Variants in PPFIA4 observed in about 807,000 individuals in gnomAD.
PPFIA4 encodes PPFI scaffold protein A4, also known as liprin-alpha-4.
PPFIA4 carries 98 observed loss-of-function variants against 145.7 expected under a neutral mutation model. That is an observed-to-expected ratio of 0.67 (90% CI 0.57 to 0.80). PPFIA4 has a LOEUF of 0.80. Ranked by LOEUF, PPFIA4 falls within the 30% of genes least tolerant of loss-of-function variation. PPFIA4 has a pLI of 0.00. For synonymous variants in PPFIA4, 628 were observed against 649.6 expected (o/e 0.97, Z 0.51); for missense variants, 1,457 against 1,632.7 (o/e 0.89, Z 1.85).
At position 203,076,340 on chromosome 1, in the gene PPFIA4, G is replaced by T; in HGVS notation, c.3575-1G>T. 6.2e-7 allele frequency: 1 copy of T among 1,605,178 alleles called. No individual in the cohort carries two copies. On this transcript the variant is annotated splice_acceptor_variant, in intron 29 of 29. Transcript: ENST00000295706. LOFTEE classifies it high-confidence loss of function. ...GATGCCTGTCTCTCTCTCTCCCTCAGCTCACTCCCACTATCTCTACGGACA... is the reference window on the plus strand; with the variant it reads ...GATGCCTGTCTCTCTCTCTCCCTCATCTCACTCCCACTATCTCTACGGACA...
Position 203,076,624 on chromosome 1 carries a change from G to A in PPFIA4, c.*234G>A. 1.8e-6 allele frequency: 1 copy of A among 571,236 alleles called. No homozygotes were observed. The highest frequency in any genetic ancestry group is 3.1e-6 in the Non-Finnish European group (1 of 319,976). The allele number at this position is 571,236 out of a possible 1,614,324, so 35.4% of individuals were successfully genotyped here. A position where few individuals can be genotyped will look rare whatever the true frequency, so the allele number is the denominator to read the frequency against. On this transcript the variant is annotated 3_prime_UTR_variant, in exon 30 of 30. Coordinates refer to ENST00000295706, the MANE Select transcript of PPFIA4 (RefSeq NM_001304331.2). ...GCTGGGGTTTCCTGGTATTGTGGAG[G>A]CACCCAGGTTGTCCATGCTTGGGAT...
Position 203,039,048 on chromosome 1 carries a change from C to T in PPFIA4, c.40C>T (p.Leu14=). ...VMPTINEGDR[L]GPPHGADADA... is the part of the protein sequence containing the mutation. ...GCCCACAATCAATGAGGGGGACCGC[C>T]TGGGTCCCCCTCATGGCGCCGATGC... is the stretch of plus-strand genomic sequence containing the variant. The change falls in exon 2 of 30, where the codon CTG becomes TTG. Residue 14 remains leucine, a synonymous_variant. Coordinates refer to ENST00000295706, the MANE Select transcript of PPFIA4 (RefSeq NM_001304331.2). The T allele has an allele frequency of 1.3e-6, 2 of 1,579,582 alleles. No homozygotes were observed. The highest frequency in any genetic ancestry group is 2.3e-5 in the East Asian group (1 of 44,014).
At chr1:203,074,754 G>T (rs1259955418) in intron 28 of PPFIA4, among the ~76,000 whole-genome samples, 1 of 152,062 alleles carries the variant, frequency 6.6e-6, no homozygotes, top group Non-Finnish European at 1.5e-5. Flanking sequence ...CTGAAGTGTG[G>T]GGTGGGGAGG....
chr1:203,039,243 G>C lies in PPFIA4; in HGVS notation c.234+1G>C. ...CCACCTTAACTCCGCCCTCCCCCAG[G>C]TAAGGCCCGAAGGCCTGCGTCTCTC... On this transcript the variant is annotated splice_donor_variant, in intron 2 of 29. Coordinates refer to ENST00000295706, the MANE Select transcript of PPFIA4 (RefSeq NM_001304331.2). LOFTEE classifies it high-confidence loss of function. The C allele has an allele frequency of 6.4e-7, 1 of 1,574,634 alleles. No homozygotes were observed.
intron 1 of PPFIA4, among the ~76,000 whole-genome samples, chr1:203,033,107 G>A (rs902177639): frequency 2.0e-5 from 3 of 152,172 alleles, no homozygotes; most frequent in Non-Finnish European, 4.4e-5. Context: ...GTGCTTGGGC[G>A]GCATTTTATA....
intron 1 of PPFIA4, among the ~76,000 whole-genome samples, chr1:203,032,537 T>G (rs1421990411): frequency 6.6e-6 from 1 of 151,320 alleles, no homozygotes; most frequent in Non-Finnish European, 1.5e-5. Context: ...GCTTAAGTGA[T>G]CCTCCCACTT....
intron 1 of PPFIA4, among the ~76,000 whole-genome samples, chr1:203,028,207 G>A (rs1658555733): frequency 6.6e-6 from 1 of 152,166 alleles, no homozygotes; most frequent in Non-Finnish European, 1.5e-5. Flanking sequence ...TGGAGTTGGG[G>A]TTTGTGCTGC....
Position 203,052,056 on chromosome 1 carries a change from C to CCCT in PPFIA4, c.1620+179_1620+180insCCT, listed in dbSNP as rs397957973. On this transcript the variant is annotated intron_variant, in intron 14 of 29. Transcript: ENST00000295706. ...GCTGCAACAGCTGTGCCCCCCCCCC[C>CCCT]GCTTGCCTTGGCCTCCTGGTGGGCA... Among the ~76,000 whole-genome samples the CCCT allele has an allele frequency of 5.3e-5, 8 of 149,776 alleles. 1 individual carries two copies. The South Asian group carries it at 1.3e-3, about 24-fold the overall frequency.
chr1:203,031,413 T>C (rs1270830238), intron 1 of PPFIA4, among the ~76,000 whole-genome samples: 1 of 152,140 alleles, frequency 6.6e-6, no homozygotes, highest in Non-Finnish European at 1.5e-5. Flanking sequence ...ATACCATGCG[T>C]TCTCATGATC....
intron 14 of PPFIA4, among the ~76,000 whole-genome samples, chr1:203,053,144 T>G (rs1660653206): frequency 6.6e-6 from 1 of 152,204 alleles, no homozygotes; most frequent in Admixed American, 6.5e-5. Flanking sequence ...AACTAGTGTT[T>G]GGTGGAGATG....
intron 19 of PPFIA4, 103 bp downstream of exon 19, chr1:203,057,053 T>C (rs981328549): frequency 2.6e-6 from 4 of 1,554,934 alleles, no homozygotes; most frequent in East Asian, 2.3e-5. Context: ...CAGGGACCAG[T>C]TGGGGGAAGC....
intron 15 of PPFIA4, 46 bp downstream of exon 15, chr1:203,054,007 G>T: frequency 6.5e-7 from 1 of 1,536,362 alleles, no homozygotes. Flanking sequence ...GAAGGGCAGG[G>T]GGGCCCTTTG....
intron 28 of PPFIA4, among the ~76,000 whole-genome samples, chr1:203,073,566 C>T (rs931107025): frequency 2.0e-5 from 3 of 152,018 alleles, no homozygotes; most frequent in Non-Finnish European, 4.4e-5. Flanking sequence ...TCTAGCACAT[C>T]ATCAGCAACC....
chr1:203,075,496 G>A lies in PPFIA4; in HGVS notation c.3394-81G>A. On this transcript the variant is annotated intron_variant, in intron 28 of 29. Transcript: ENST00000295706. The surrounding 1 kb of genome is among the most constrained non-coding windows in gnomAD (Gnocchi z 4.1). ...GGGAGTGGTGCCCCTTGAACCAGCA[G>A]CGACTGGCCCCCTCCAGGCAGGGCG... is the stretch of plus-strand genomic sequence containing the variant. The A allele has an allele frequency of 8.2e-7, 1 of 1,214,424 alleles. No individual in the cohort carries two copies. The highest frequency in any genetic ancestry group is 1.1e-6 in the Non-Finnish European group (1 of 942,548). 75.2% of individuals were successfully genotyped at this position (1,214,424 alleles called of 1,614,324 possible). A position where few individuals can be genotyped will look rare whatever the true frequency, so the allele number is the denominator to read the frequency against.
In PPFIA4 at chr1:203,035,283, G is replaced by A. The variant is rs1234189765; in HGVS notation, c.-399-3327G>A. On this transcript the variant is annotated intron_variant, in intron 1 of 29. Coordinates refer to ENST00000295706, the MANE Select transcript of PPFIA4 (RefSeq NM_001304331.2). The stretch of plus-strand genomic sequence containing the variant: ...GGTCTCCGCAGGGGCTGGCAACCTT[G>A]CCTTTGTCCAGCTCTCTCCGTGGCC... The A allele has an allele frequency of 6.6e-6, 3 of 456,692 alleles. No individual in the cohort carries two copies. The Admixed American group carries it at 7.0e-5, about 11-fold the overall frequency. The allele number at this position is 456,692 out of a possible 1,614,324, so 28.3% of individuals were successfully genotyped here.
chr1:203,048,912 C>T lies in PPFIA4; in HGVS notation c.1357-6C>T. On this transcript the variant is annotated splice_region_variant and splice_polypyrimidine_tract_variant and intron_variant, in intron 11 of 29. Coordinates refer to ENST00000295706, the MANE Select transcript of PPFIA4 (RefSeq NM_001304331.2). The surrounding 1 kb of genome is among the most constrained non-coding windows in gnomAD (Gnocchi z 5.8). ...AGGGGCCTGGCTCACAGCTGCTCTC[C>T]CCCAGAACACGTTGATCCAGGAGTT... The T allele has an allele frequency of 6.5e-7, 1 of 1,548,344 alleles. No individual in the cohort carries two copies.
chr1:203,051,638 G>T, intron 13 of PPFIA4, 131 bp from the exon 14 acceptor site: 1 of 1,452,988 alleles, frequency 6.9e-7, no homozygotes, highest in East Asian at 2.5e-5. Context: ...AGACATTTGT[G>T]ACAGCTCTGT....
At chr1:203,028,128 T>C (rs1229378485) in intron 1 of PPFIA4, among the ~76,000 whole-genome samples, 2 of 152,212 alleles carry the variant, frequency 1.3e-5, no homozygotes, top group South Asian at 2.1e-4. Flanking sequence ...CTCTGTGTAG[T>C]GGGAGACGCC....
Position 203,048,301 on chromosome 1 carries a change from G to A in PPFIA4, c.1215G>A (p.Glu405=), listed in dbSNP as rs1660229363. Residue 405 remains glutamate (E), a synonymous_variant, in exon 10 of 30, where the codon GAG becomes GAA. Transcript: ENST00000295706. This position sits in a 1 kb window ranked among gnomAD's most constrained non-coding sequence, Gnocchi z 5.8. ...LEGQLEEKNQ[E]LARVRQREKM... is the part of the protein sequence containing the mutation. ...GACAGCTGGAGGAGAAGAACCAGGAGCTGGCACGGGTGAGGGCACCAGGCC... is the reference window on the plus strand; with the variant it reads ...GACAGCTGGAGGAGAAGAACCAGGAACTGGCACGGGTGAGGGCACCAGGCC... 1 of 1,612,468 alleles carries A rather than the reference G, an allele frequency of 6.2e-7. No homozygotes were observed. The highest frequency in any genetic ancestry group is 1.7e-5 in the Admixed American group (1 of 59,970).
Sources: allele counts gnomAD v4.1 joint callset (sites outside exome capture counted in the v4.1 genomes callset), GRCh38; gene constraint gnomAD v4.1.1; non-coding constraint Gnocchi (gnomAD v3.1); transcripts MANE v1.5; gene names NCBI Gene and HGNC (gene_info 2026-07-23, HGNC 2026-07-21).